Variants in RBFOX1 observed in about 807,000 individuals in gnomAD.
The protein encoded by RBFOX1 is RNA binding protein fox-1 homolog 1.
In RBFOX1, 8 loss-of-function variants were observed where a neutral mutation model predicts 57.7. The observed-to-expected ratio is 0.14, with a 90% CI of 0.08 to 0.25. The LOEUF (loss-of-function observed/expected upper bound fraction) is 0.25. RBFOX1 is among the 10% of genes least tolerant of loss of function. RBFOX1 has a pLI of 1.00. For missense variants in RBFOX1, 611 were observed against 548.5 expected (o/e 1.11, Z -1.14); for synonymous variants, 326 against 222.4 (o/e 1.47, Z -4.15).
intron 4 of RBFOX1, among the ~76,000 whole-genome samples, chr16:7,460,370 AAT>A (rs879898472): frequency 0.035 from 2,642 of 75,966 alleles, 142 homozygotes; most frequent in Middle Eastern, 0.049. Context: ...CATTTAGCAA[AAT>A]ATATATATAT....
chr16:6,320,924 G>C (rs900392435), intron 2 of RBFOX1, among the ~76,000 whole-genome samples: 4 of 152,074 alleles, frequency 2.6e-5, no homozygotes, highest in African/African-American at 9.7e-5. Flanking sequence ...CTCCCAAGTA[G>C]CTGAGATTAC....
At chr16:6,314,517 G>C (rs2080829144) in intron 1 of RBFOX1, among the ~76,000 whole-genome samples, 1 of 152,134 alleles carries the variant, frequency 6.6e-6, no homozygotes. Context: ...AGTTCAAATG[G>C]GGCCAGGTGA....
chr16:7,674,974 G>C (rs1008221488), intron 13 of RBFOX1, among the ~76,000 whole-genome samples: 3 of 152,154 alleles, frequency 2.0e-5, no homozygotes, highest in African/African-American at 7.2e-5. Flanking sequence ...CATGGCATCT[G>C]ATTGCTGCAA....
chr16:6,483,231 T>G (rs1314578302), intron 2 of RBFOX1: 13 of 1,231,062 alleles, frequency 1.1e-5, no homozygotes, highest in Non-Finnish European at 1.3e-5. Flanking sequence ...ACCCGGGCCC[T>G]GGCGCCGCCG....
chr16:7,483,328 C>T (rs12919838), intron 4 of RBFOX1, among the ~76,000 whole-genome samples: 2,196 of 152,098 alleles, frequency 0.014, 57 homozygotes, highest in African/African-American at 0.051. Flanking sequence ...ACCTGTTGTC[C>T]TATCCCAGAT....
chr16:5,649,162 T>C (rs1223556756), intron 3 of RBFOX1, among the ~76,000 whole-genome samples: 3 of 152,094 alleles, frequency 2.0e-5, no homozygotes, highest in Admixed American at 6.5e-5. Context: ...CACATATATA[T>C]GTACATATGT....
At chr16:6,338,770 A>G (rs2084114372) in intron 2 of RBFOX1, among the ~76,000 whole-genome samples, 1 of 152,244 alleles carries the variant, frequency 6.6e-6, no homozygotes. Flanking sequence ...AAACCAGGTG[A>G]CCATTATTAT....
chr16:5,424,923 C>CTTTCTTTCTTTCTT (rs2067484472), intron 1 of RBFOX1, among the ~76,000 whole-genome samples: 1 of 89,594 alleles, frequency 1.1e-5, no homozygotes, highest in African/African-American at 4.5e-5. Flanking sequence ...TTCTTTCTTT[C>CTTTCTTTCTTTCTT]TTTCTTTCTT....
At chr16:5,618,145 C>G (rs190133190) in intron 3 of RBFOX1, among the ~76,000 whole-genome samples, 2 of 152,132 alleles carry the variant, frequency 1.3e-5, no homozygotes, top group Non-Finnish European at 2.9e-5. Context: ...TCCCACTGCC[C>G]GTCCACCAAC....
chr16:6,639,596 G>T (rs1241289855), intron 2 of RBFOX1, among the ~76,000 whole-genome samples: 1 of 152,180 alleles, frequency 6.6e-6, no homozygotes, highest in Non-Finnish European at 1.5e-5. Context: ...ACAATTGTGG[G>T]CCGGGCACGG....
chr16:5,459,919 C>T (rs148817362), intron 1 of RBFOX1, among the ~76,000 whole-genome samples: 76 of 152,234 alleles, frequency 5.0e-4, no homozygotes, highest in African/African-American at 1.8e-3. Flanking sequence ...ACTGCCTCTC[C>T]GTGTCGCCAC....
intron 3 of RBFOX1, among the ~76,000 whole-genome samples, chr16:6,829,604 T>C (rs927595029): frequency 1.2e-4 from 18 of 152,116 alleles, no homozygotes; most frequent in African/African-American, 4.3e-4. Context: ...TATTTTCTTT[T>C]TTCTTTTGTT....
intron 2 of RBFOX1, among the ~76,000 whole-genome samples, chr16:6,416,535 A>G (rs1164457474): frequency 6.6e-6 from 1 of 152,008 alleles, no homozygotes; most frequent in Non-Finnish European, 1.5e-5. Flanking sequence ...ATTAATGAGG[A>G]AAGAGGAGAA....
chr16:7,015,434 T>C (rs540524548), intron 3 of RBFOX1, among the ~76,000 whole-genome samples: 2 of 152,272 alleles, frequency 1.3e-5, no homozygotes, highest in East Asian at 3.9e-4. Flanking sequence ...ATCTGAATCT[T>C]CTGGAGTATA....
intron 1 of RBFOX1, among the ~76,000 whole-genome samples, chr16:5,327,475 G>A (rs564242637): frequency 1.3e-5 from 2 of 152,364 alleles, no homozygotes; most frequent in South Asian, 4.1e-4. Flanking sequence ...AATTAAAAGC[G>A]TGTTCACTCG....
intron 2 of RBFOX1, among the ~76,000 whole-genome samples, chr16:6,612,448 CTTAT>C (rs1334483209): frequency 6.6e-6 from 1 of 151,748 alleles, no homozygotes; most frequent in African/African-American, 2.4e-5. Context: ...CGTATATTGA[CTTAT>C]TTAAGTTTCA....
At chr16:6,734,326 C>T (rs867580533) in intron 3 of RBFOX1, among the ~76,000 whole-genome samples, 1 of 152,196 alleles carries the variant, frequency 6.6e-6, no homozygotes, top group Non-Finnish European at 1.5e-5. Flanking sequence ...GGCAAAAAGA[C>T]TATCCTCTGG....
At chr16:6,042,307 G>A (rs147018585) in intron 1 of RBFOX1, among the ~76,000 whole-genome samples, 36 of 152,024 alleles carry the variant, frequency 2.4e-4, no homozygotes, top group Non-Finnish European at 2.9e-4. Flanking sequence ...CACCGTGTTG[G>A]CCAGGATGGT....
intron 4 of RBFOX1, among the ~76,000 whole-genome samples, chr16:7,449,967 G>A (rs1217780879): frequency 1.3e-5 from 2 of 152,124 alleles, no homozygotes; most frequent in African/African-American, 2.4e-5. Flanking sequence ...GAAGGATGGC[G>A]AAACATCAGG....
Sources: gnomAD v4.1 joint callset for allele counts (sites outside exome capture counted in the v4.1 genomes callset) on GRCh38, gnomAD v4.1.1 for gene constraint, MANE v1.5 for transcripts, NCBI Gene and HGNC (gene_info 2026-07-23, HGNC 2026-07-21) for gene names.